Variants in RHPN2 observed in about 807,000 individuals in gnomAD.
The protein encoded by RHPN2 is rhophilin Rho GTPase binding protein 2.
A neutral mutation model predicts 79.0 loss-of-function variants in RHPN2; 40 were observed. That is an observed-to-expected ratio of 0.51 (90% CI 0.39 to 0.66). RHPN2 has a LOEUF of 0.66. Among genes scored for constraint, RHPN2 ranks in the 30% least tolerant of loss-of-function variants. RHPN2 has a pLI of 0.00. For synonymous variants in RHPN2, 285 were observed against 363.5 expected (o/e 0.78, Z 2.46); for missense variants, 686 against 883.5 (o/e 0.78, Z 2.83).
chr19:33,039,795 G>A (rs1316884331), intron 2 of RHPN2, among the ~76,000 whole-genome samples: 1 of 150,024 alleles, frequency 6.7e-6, no homozygotes, highest in African/African-American at 2.5e-5. Flanking sequence ...CTAAGATCAC[G>A]CCACTGCACT....
chr19:33,011,656 C>T, intron 6 of RHPN2, 23 bp downstream of exon 6: 2 of 1,613,938 alleles, frequency 1.2e-6, no homozygotes, highest in Non-Finnish European at 1.7e-6. Context: ...CGTGAAGCGC[C>T]AGCGCAGACC....
chr19:33,031,998 G>A (rs982224667), intron 2 of RHPN2, among the ~76,000 whole-genome samples: 1 of 149,164 alleles, frequency 6.7e-6, no homozygotes, highest in Non-Finnish European at 1.5e-5. Context: ...GATTACAGGC[G>A]TGAGCCACCG....
chr19:33,064,755 T>TGGGGGGCCCCCC, intron 1 of RHPN2, 29 bp downstream of exon 1: 3 of 1,427,948 alleles, frequency 2.1e-6, no homozygotes, highest in Non-Finnish European at 1.9e-6. Context: ...AGCCCGCAGG[T>TGGGGGGCCCCCC]CCCCGCCCGC....
At chr19:32,987,764 G>A (rs1971622577) in intron 14 of RHPN2, among the ~76,000 whole-genome samples, 1 of 152,142 alleles carries the variant, frequency 6.6e-6, no homozygotes, top group Non-Finnish European at 1.5e-5. Flanking sequence ...CGAACTGTAA[G>A]ACTTCACATT....
At chr19:33,009,680 C>T (rs1224993893) in intron 6 of RHPN2, among the ~76,000 whole-genome samples, 1 of 152,164 alleles carries the variant, frequency 6.6e-6, no homozygotes, top group Admixed American at 6.6e-5. Flanking sequence ...GTCTCAAGCT[C>T]CTGGGCTCAA....
chr19:32,998,748 G>A lies in RHPN2; in HGVS notation c.1225+838C>T, dbSNP rs148227456. 1.0e-3 allele frequency among the ~76,000 whole-genome samples: 146 copies of A among 145,742 alleles called. 2 individuals carry two copies. The highest frequency in any genetic ancestry group is 3.5e-3 in the African/African-American group (136 of 39,162). On this transcript the variant is annotated intron_variant, in intron 10 of 14. Transcript: ENST00000254260. Reference sequence around the variant, plus strand: ...AGGAAAGAATAAAGGAGAGAGGAGAGGAAAGGGAGAGAAAAGGAAAGCAAC... The same window carrying A: ...AGGAAAGAATAAAGGAGAGAGGAGAAGAAAGGGAGAGAAAAGGAAAGCAAC...
At chr19:32,992,652 CAT>C (rs1156583139) in intron 12 of RHPN2, among the ~76,000 whole-genome samples, 3 of 151,464 alleles carry the variant, frequency 2.0e-5, no homozygotes. Flanking sequence ...CTACTAAAAA[CAT>C]AAAAGAATTA....
chr19:33,032,392 C>T (rs1972020580), intron 2 of RHPN2, among the ~76,000 whole-genome samples: 1 of 152,096 alleles, frequency 6.6e-6, no homozygotes, highest in South Asian at 2.1e-4. Flanking sequence ...GCTCGATCTC[C>T]AGCCTCTCTC....
chr19:33,003,359 A>T (rs1273151315), intron 7 of RHPN2, among the ~76,000 whole-genome samples: 1 of 13,340 alleles, frequency 7.5e-5, no homozygotes, highest in South Asian at 4.7e-3. Context: ...CTCTGTCTCA[A>T]AAAAAAAAAA....
In RHPN2 at chr19:33,016,303, T is replaced by C. The variant is rs777429054; in HGVS notation, c.391-3579A>G. On this transcript the variant is annotated intron_variant, in intron 4 of 14. Transcript: ENST00000254260. ...CATAGCTGACTGCAGCCTCGACCTC[T>C]TGGGCTCAAGCAATCCACCTCAACC... 4.0e-4 allele frequency among the ~76,000 whole-genome samples: 61 copies of C among 152,046 alleles called. 1 individual carries two copies. The highest frequency in any genetic ancestry group is 8.8e-5 in the Non-Finnish European group (6 of 68,002).
intron 2 of RHPN2, among the ~76,000 whole-genome samples, chr19:33,042,054 T>TG (rs1196943080): frequency 6.6e-6 from 1 of 152,034 alleles, no homozygotes; most frequent in African/African-American, 2.4e-5. Context: ...CCAGGTGTGC[T>TG]GGCACGTGCC....
chr19:33,040,386 G>A (rs1278077807), intron 2 of RHPN2, among the ~76,000 whole-genome samples: 1 of 151,716 alleles, frequency 6.6e-6, no homozygotes, highest in Non-Finnish European at 1.5e-5. Flanking sequence ...ACGGGCACGT[G>A]CCACCACACC....
At chr19:33,048,257 T>G (rs974805449) in intron 1 of RHPN2, among the ~76,000 whole-genome samples, 10 of 151,750 alleles carry the variant, frequency 6.6e-5, no homozygotes, top group Non-Finnish European at 1.3e-4. Flanking sequence ...GGTTTCACCG[T>G]GTTGGCCAGG....
At chr19:33,026,766 G>A in intron 2 of RHPN2, 134 bp from the exon 3 acceptor site, 1 of 1,009,086 alleles carries the variant, frequency 9.9e-7, no homozygotes, top group South Asian at 1.3e-5. Flanking sequence ...TGTCGGTTAA[G>A]GTATCCCAGG....
intron 1 of RHPN2, among the ~76,000 whole-genome samples, chr19:33,058,052 T>C (rs1463651480): frequency 6.6e-6 from 1 of 151,942 alleles, no homozygotes; most frequent in Non-Finnish European, 1.5e-5. Flanking sequence ...CCCAGCTACT[T>C]GGGAGGCTGA....
chr19:33,002,468 G>A (rs1555711048), intron 8 of RHPN2, 65 bp from the exon 9 acceptor site: 1 of 1,595,472 alleles, frequency 6.3e-7, no homozygotes, highest in South Asian at 1.1e-5. Context: ...CCCATTTGCA[G>A]AGAAAGAGCC....
intron 6 of RHPN2, among the ~76,000 whole-genome samples, chr19:33,011,352 A>G (rs907085205): frequency 6.6e-6 from 1 of 152,126 alleles, no homozygotes; most frequent in African/African-American, 2.4e-5. Flanking sequence ...CCAATCTGAG[A>G]TAAGAATCTC....
intron 10 of RHPN2, 150 bp downstream of exon 10, chr19:32,999,436 G>T (rs62127397): frequency 1.8e-5 from 15 of 850,904 alleles, no homozygotes; most frequent in Non-Finnish European, 2.2e-5. Flanking sequence ...TCAGGACCGC[G>T]CCTCATGACT....
chr19:32,990,548 T>C lies in RHPN2; in HGVS notation c.1766A>G (p.Lys589Arg). Residue 589 changes from lysine to arginine, a missense_variant, in exon 14 of 15, where the codon AAA becomes AGA. Physicochemically the swap from Lys to Arg is conservative, Grantham distance 26 (BLOSUM62 2). Coordinates refer to ENST00000254260, the MANE Select transcript of RHPN2 (RefSeq NM_033103.5). ...KSFGEDEIEM[K>R]VVSLLDSTSS... ...TGTGGAGTCCAGGAGGCTCACGACT[T>C]TCATCTCGATCTCGTCCTCGCCAAA... The C allele has an allele frequency of 6.2e-7, 1 of 1,613,740 alleles. No homozygotes were observed. The highest frequency in any genetic ancestry group is 8.5e-7 in the Non-Finnish European group (1 of 1,179,830).
Sources: allele counts gnomAD v4.1 joint callset (sites outside exome capture counted in the v4.1 genomes callset), GRCh38; gene constraint gnomAD v4.1.1; transcripts MANE v1.5; gene names NCBI Gene and HGNC (gene_info 2026-07-23, HGNC 2026-07-21).